The following ASH1L variants were observed in gnomAD, a reference collection of about 807,000 sequenced individuals.
ASH1L encodes the protein histone-lysine N-methyltransferase ASH1L.
A neutral mutation model predicts 269.0 loss-of-function variants in ASH1L; 23 were observed. The ratio of observed to expected loss-of-function variants is 0.09; its 90% CI spans 0.06 to 0.12. The LOEUF is 0.12. Among genes scored for constraint, ASH1L ranks in the 10% least tolerant of loss-of-function variants. ASH1L has a pLI of 1.00. For synonymous variants in ASH1L, 1,187 were observed against 1,253.5 expected (o/e 0.95, Z 1.12); for missense variants, 2,912 against 3,567.8 (o/e 0.82, Z 4.68).
intron 15 of ASH1L, 123 bp downstream of exon 15, chr1:155,357,193 C>T (rs1220946277): frequency 1.1e-5 from 7 of 630,158 alleles, no homozygotes; most frequent in Non-Finnish European, 1.9e-5. Flanking sequence ...TCATAGATCC[C>T]CTGAACCCTT....
chr1:155,370,281 G>C (rs1490627169), intron 12 of ASH1L: 5 of 563,004 alleles, frequency 8.9e-6, no homozygotes, highest in Non-Finnish European at 1.6e-5. Context: ...AACCAAAAAA[G>C]CAAAACAAAA....
At chr1:155,476,492 G>T (rs559903437) in intron 3 of ASH1L, among the ~76,000 whole-genome samples, 1 of 152,016 alleles carries the variant, frequency 6.6e-6, no homozygotes, top group African/African-American at 2.4e-5. Context: ...TGAAAATCAG[G>T]AACAAAAACT....
intron 2 of ASH1L, among the ~76,000 whole-genome samples, chr1:155,501,725 C>T (rs962705181): frequency 3.3e-5 from 5 of 152,200 alleles, no homozygotes; most frequent in African/African-American, 4.8e-5. Context: ...CGCAGTGGCG[C>T]AATCTCGGCT....
chr1:155,435,776 C>T (rs1016766091), intron 5 of ASH1L, among the ~76,000 whole-genome samples: 1 of 152,110 alleles, frequency 6.6e-6, no homozygotes. Flanking sequence ...ATGGGCCAGG[C>T]GTGGTGGCTC....
At chr1:155,506,525 C>T (rs896405375) in intron 2 of ASH1L, among the ~76,000 whole-genome samples, 2 of 149,490 alleles carry the variant, frequency 1.3e-5, no homozygotes, top group Non-Finnish European at 3.0e-5. Flanking sequence ...AGCAAAACCC[C>T]GTCTCTACTA....
chr1:155,429,529 G>T (rs2148590119), intron 5 of ASH1L, among the ~76,000 whole-genome samples: 1 of 152,250 alleles, frequency 6.6e-6, no homozygotes, highest in South Asian at 2.1e-4. Context: ...TTCCAAAATT[G>T]CTGAAATTAC....
chr1:155,446,785 C>G (rs1275502496), intron 4 of ASH1L, among the ~76,000 whole-genome samples: 3 of 151,954 alleles, frequency 2.0e-5, no homozygotes, highest in Admixed American at 2.0e-4. Flanking sequence ...CCGCGCCCGG[C>G]TAATTTTTTT....
Position 155,346,481 on chromosome 1 carries a change from C to T in ASH1L, c.7804-12G>A. 6.2e-7 allele frequency: 1 copy of T among 1,611,664 alleles called. No individual in the cohort carries two copies. ...CAGTGCTGCCATACCTGTAGAAAAA[C>T]ATACAGTTTGGGGAACATGGAGGCT... is the stretch of plus-strand genomic sequence containing the variant. On this transcript the variant is annotated splice_polypyrimidine_tract_variant and intron_variant, in intron 20 of 27. Transcript: ENST00000392403.
intron 4 of ASH1L, among the ~76,000 whole-genome samples, chr1:155,445,165 T>C (rs969739491): frequency 1.3e-5 from 2 of 152,186 alleles, no homozygotes; most frequent in African/African-American, 2.4e-5. Context: ...CCTTGTCCCA[T>C]TGAAATAGTC....
chr1:155,363,834 G>A (rs916266210), intron 12 of ASH1L, among the ~76,000 whole-genome samples: 13 of 151,344 alleles, frequency 8.6e-5, no homozygotes, highest in African/African-American at 2.7e-4. Flanking sequence ...TTAGCCGGGT[G>A]TAGGGACGCA....
chr1:155,525,099 T>C (rs185224662), intron 1 of ASH1L, among the ~76,000 whole-genome samples: 3 of 151,878 alleles, frequency 2.0e-5, no homozygotes, highest in African/African-American at 7.2e-5. Flanking sequence ...AATAAAAAAT[T>C]AGCCCAGCAT....
At position 155,337,580 on chromosome 1, in the gene ASH1L, T is replaced by C. The variant is rs945693447; in HGVS notation, c.*80A>G. The C allele has an allele frequency of 1.1e-5, 13 of 1,226,366 alleles. No individual in the cohort carries two copies. Among genetic ancestry groups the C allele is most frequent in the Middle Eastern group, 2.0e-4 (1 of 4,928 alleles). 76.0% of individuals were successfully genotyped at this position (1,226,366 alleles called of 1,614,324 possible). On this transcript the variant is annotated 3_prime_UTR_variant, in exon 28 of 28. Coordinates refer to ENST00000392403, the MANE Select transcript of ASH1L (RefSeq NM_018489.3). ...TGCCCAGATGGACCCTTCCCACCCC[T>C]GTCTATACCCAGAGAGCAGGAGGCA...
intron 1 of ASH1L, among the ~76,000 whole-genome samples, chr1:155,533,796 C>T (rs80031569): frequency 4.6e-5 from 7 of 151,950 alleles, no homozygotes; most frequent in African/African-American, 7.2e-5. Context: ...ATATTTGCTA[C>T]GTTTGAAACT....
At chr1:155,449,551 G>A (rs1008700643) in intron 4 of ASH1L, among the ~76,000 whole-genome samples, 3 of 146,578 alleles carry the variant, frequency 2.0e-5, no homozygotes, top group Non-Finnish European at 4.5e-5. Flanking sequence ...ACAGAGTCTC[G>A]CTCTATCACC....
Position 155,481,032 on chromosome 1 carries a change from A to G in ASH1L, c.1838T>C (p.Val613Ala). 6.2e-7 allele frequency: 1 copy of G among 1,613,980 alleles called. No individual in the cohort carries two copies. Among genetic ancestry groups the G allele is most frequent in the Non-Finnish European group, 8.5e-7 (1 of 1,179,942 alleles). Residue 613 changes from valine (V) to alanine (A), a missense_variant, in exon 3 of 28, where the codon GTT becomes GCT. Physicochemically the swap from Val to Ala is moderately conservative, Grantham distance 64. Transcript: ENST00000392403. ...QFTSESTHLN[V>A]GHRSVGHSIS... ...ACTATGACCAACTGACCTATGACCA[A>G]CGTTCAAGTGGGTACTTTCAGAAGT...
At chr1:155,556,181 A>C (rs941813434) in intron 1 of ASH1L, among the ~76,000 whole-genome samples, 1 of 152,200 alleles carries the variant, frequency 6.6e-6, no homozygotes, top group Non-Finnish European at 1.5e-5. Context: ...CAAGAGTTCA[A>C]GACCATCCTG....
chr1:155,396,211 G>T (rs561260386), intron 6 of ASH1L: 1 of 151,260 alleles, frequency 6.6e-6, no homozygotes, highest in South Asian at 2.1e-4. Flanking sequence ...ATAAAAGGGG[G>T]AAAAAAAGAA....
At chr1:155,423,735 A>T (rs1385994709) in intron 5 of ASH1L, among the ~76,000 whole-genome samples, 1 of 152,088 alleles carries the variant, frequency 6.6e-6, no homozygotes, top group African/African-American at 2.4e-5. Flanking sequence ...AGATTCATTT[A>T]TCTTTCTTCT....
intron 5 of ASH1L, among the ~76,000 whole-genome samples, chr1:155,436,491 CTTTTTTTTTT>C (rs60270333): frequency 1.2e-5 from 1 of 80,552 alleles, no homozygotes; most frequent in African/African-American, 4.7e-5. Context: ...CATGCGTGGA[CTTTTTTTTTT>C]TTTTTTTTTT....
Sources: allele counts gnomAD v4.1 joint callset (sites outside exome capture counted in the v4.1 genomes callset), GRCh38; gene constraint gnomAD v4.1.1; transcripts MANE v1.5; gene names NCBI Gene and HGNC (gene_info 2026-07-23, HGNC 2026-07-21).